The following FRRS1 variants were observed in gnomAD, a reference collection of about 807,000 sequenced individuals.
FRRS1 encodes the protein ferric reductase 1.
Under a neutral mutation model 70.7 loss-of-function variants are expected in FRRS1, and 51 were observed. The ratio of observed to expected loss-of-function variants is 0.72; its 90% confidence interval spans 0.58 to 0.91. The LOEUF is 0.91. Ranked by LOEUF, FRRS1 falls within the 40% of genes least tolerant of loss-of-function variation. FRRS1 has a pLI of 0.00. For synonymous variants in FRRS1, 225 were observed against 238.7 expected (o/e 0.94, Z 0.53); for missense variants, 672 against 726.0 (o/e 0.93, Z 0.86).
chr1:99,709,926 C>T (rs1571088388), intron 15 of FRRS1, among the ~76,000 whole-genome samples: 2 of 152,194 alleles, frequency 1.3e-5, no homozygotes, highest in East Asian at 3.9e-4. Flanking sequence ...TATGATCACA[C>T]CACTGCACTC....
In FRRS1 at chr1:99,719,544, CAGA is replaced by C; in HGVS notation, c.1107_1109del (p.Leu370del). 6.4e-7 allele frequency: 1 copy of C among 1,555,928 alleles called. No homozygotes were observed. The highest frequency in any genetic ancestry group is 1.7e-4 in the Middle Eastern group (1 of 5,962). On this transcript the variant is annotated inframe_deletion, in exon 10 of 17. Transcript: ENST00000646001. ...ACACATGTAACCTACCATGAACCTT[CAGA>C]AGGAGTACAGAATGGGATCCTCCTA...
chr1:99,756,316 C>T (rs1656832911), intron 1 of FRRS1, among the ~76,000 whole-genome samples: 1 of 152,162 alleles, frequency 6.6e-6, no homozygotes, highest in South Asian at 2.1e-4. Flanking sequence ...GATTCTGTAA[C>T]TAAAATATTC....
chr1:99,761,247 C>T (rs1311942801), intron 1 of FRRS1, among the ~76,000 whole-genome samples: 1 of 151,990 alleles, frequency 6.6e-6, no homozygotes, highest in Admixed American at 6.6e-5. Flanking sequence ...CCACCTCACC[C>T]TCCCAAGTAG....
chr1:99,761,302 T>C (rs1657103121), intron 1 of FRRS1, among the ~76,000 whole-genome samples: 1 of 152,018 alleles, frequency 6.6e-6, no homozygotes, highest in Admixed American at 6.6e-5. Context: ...AATTTTTTAA[T>C]TTTTTTGTAG....
At chr1:99,734,914 T>C (rs1057001385) in intron 7 of FRRS1, among the ~76,000 whole-genome samples, 2 of 152,154 alleles carry the variant, frequency 1.3e-5, no homozygotes, top group African/African-American at 4.8e-5. Context: ...GGGGACATCC[T>C]GGAATTGGGG....
At chr1:99,757,834 C>A (rs1319764393) in intron 1 of FRRS1, among the ~76,000 whole-genome samples, 1 of 151,732 alleles carries the variant, frequency 6.6e-6, no homozygotes, top group African/African-American at 2.4e-5. Context: ...TATTTCTAGG[C>A]TTTTGGCCTG....
At chr1:99,725,191 G>A (rs1052426106) in intron 9 of FRRS1, among the ~76,000 whole-genome samples, 7 of 152,306 alleles carry the variant, frequency 4.6e-5, no homozygotes, top group African/African-American at 1.7e-4. Flanking sequence ...TGACAGGACA[G>A]TAATGCTCAC....
chr1:99,729,550 T>G, intron 8 of FRRS1, 100 bp downstream of exon 8: 1 of 709,096 alleles, frequency 1.4e-6, no homozygotes, highest in Non-Finnish European at 2.5e-6. Context: ...GGTGGAACTG[T>G]GGGGGTTGGA....
intron 1 of FRRS1, among the ~76,000 whole-genome samples, chr1:99,757,180 C>T (rs1370079885): frequency 1.3e-5 from 2 of 150,598 alleles, no homozygotes; most frequent in African/African-American, 2.4e-5. Context: ...TTTCATGAAA[C>T]ATTATTTACC....
chr1:99,763,361 C>G (rs1482733652), intron 1 of FRRS1, among the ~76,000 whole-genome samples: 2 of 152,062 alleles, frequency 1.3e-5, no homozygotes, highest in African/African-American at 4.8e-5. Flanking sequence ...ACAATAATCT[C>G]TGTACACTAT....
At chr1:99,716,630 C>T (rs74102229) in intron 11 of FRRS1, among the ~76,000 whole-genome samples, 252 of 152,180 alleles carry the variant, frequency 1.7e-3, no homozygotes, top group African/African-American at 6.0e-3. Context: ...TTATGATCTA[C>T]AAATTTATAT....
chr1:99,755,836 C>T lies in FRRS1; in HGVS notation c.-105-6835G>A, dbSNP rs1423245239. Among the ~76,000 whole-genome samples the T allele has an allele frequency of 3.3e-5, 5 of 152,168 alleles. 1 individual carries two copies. Among genetic ancestry groups the T allele is most frequent in the Non-Finnish European group, 7.3e-5 (5 of 68,030 alleles). On this transcript the variant is annotated intron_variant, in intron 1 of 16. Transcript: ENST00000646001. ...AGACAAGAAAGGGAAGTGACTAAGACACCACCACCCATCATCGATTAGGAA... is the reference window on the plus strand; with the variant it reads ...AGACAAGAAAGGGAAGTGACTAAGATACCACCACCCATCATCGATTAGGAA...
chr1:99,708,820 T>C lies in FRRS1; in HGVS notation c.*208A>G, dbSNP rs1051339353. 4.3e-6 allele frequency: 4 copies of C among 936,120 alleles called. No individual in the cohort carries two copies. The highest frequency in any genetic ancestry group is 6.7e-6 in the Non-Finnish European group (4 of 598,236). 58.0% of individuals were successfully genotyped at this position (936,120 alleles called of 1,614,324 possible). On this transcript the variant is annotated 3_prime_UTR_variant, in exon 17 of 17. Coordinates refer to ENST00000646001, the MANE Select transcript of FRRS1 (RefSeq NM_001361041.2). ...CTTTCCTTTAAGACCCAGAATTACA[T>C]ATAGGGCATGACATTAATTTATAGT...
At chr1:99,754,507 A>AG (rs1656733110) in intron 1 of FRRS1, among the ~76,000 whole-genome samples, 4 of 149,488 alleles carry the variant, frequency 2.7e-5, no homozygotes, top group Non-Finnish European at 5.9e-5. Context: ...GAGAGAGAGA[A>AG]AGAGAGAGAG....
chr1:99,710,779 C>T, intron 15 of FRRS1, 27 bp downstream of exon 15: 1 of 1,603,552 alleles, frequency 6.2e-7, no homozygotes, highest in Non-Finnish European at 8.5e-7. Context: ...AGTGCTTCTA[C>T]ATAACATGGC....
chr1:99,730,599 G>T (rs955884422), intron 7 of FRRS1, among the ~76,000 whole-genome samples: 5 of 152,122 alleles, frequency 3.3e-5, no homozygotes, highest in African/African-American at 7.2e-5. Flanking sequence ...CGGGCGAGGT[G>T]GCTCACGCCT....
chr1:99,740,768 C>G (rs774620584), intron 6 of FRRS1, 25 bp downstream of exon 6: 2 of 1,550,146 alleles, frequency 1.3e-6, no homozygotes, highest in Non-Finnish European at 1.8e-6. Context: ...CCCATCTCTA[C>G]AGAGAAAATA....
chr1:99,760,839 G>C (rs556192884), intron 1 of FRRS1, among the ~76,000 whole-genome samples: 10 of 151,902 alleles, frequency 6.6e-5, no homozygotes, highest in African/African-American at 2.4e-4. Flanking sequence ...TGGTATAGAC[G>C]GGGGTTTCAC....
At chr1:99,728,875 C>T (rs1655204726) in intron 8 of FRRS1, among the ~76,000 whole-genome samples, 1 of 152,150 alleles carries the variant, frequency 6.6e-6, no homozygotes, top group South Asian at 2.1e-4. Context: ...TTACTTTGAG[C>T]CAGAACTCCA....
Sources: gnomAD v4.1 joint callset for allele counts (sites outside exome capture counted in the v4.1 genomes callset) on GRCh38, gnomAD v4.1.1 for gene constraint, MANE v1.5 for transcripts, NCBI Gene and HGNC (gene_info 2026-07-23, HGNC 2026-07-21) for gene names.